Variants in SYNPR observed in about 807,000 individuals in gnomAD.
The protein encoded by SYNPR is synaptoporin.
A neutral mutation model predicts 32.9 loss-of-function variants in SYNPR; 23 were observed. The ratio of observed to expected loss-of-function variants is 0.70; its 90% confidence interval spans 0.50 to 0.99. SYNPR has a LOEUF of 0.99. Among genes scored for constraint, SYNPR ranks in the 50% least tolerant of loss-of-function variants. The probability of loss-of-function intolerance (pLI) is 0.00; values close to 1 mark genes in which losing one functional copy is unlikely to be tolerated. For missense variants in SYNPR, 318 were observed against 349.3 expected (o/e 0.91, Z 0.71); for synonymous variants, 146 against 135.9 (o/e 1.07, Z -0.52).
At chr3:63,540,257 G>A (rs1382106508) in intron 3 of SYNPR, among the ~76,000 whole-genome samples, 2 of 152,058 alleles carry the variant, frequency 1.3e-5, no homozygotes, top group Non-Finnish European at 2.9e-5. Flanking sequence ...GTAGCAAACA[G>A]TATATTAAAG....
At chr3:63,265,407 A>AAGCC (rs1220248081) in intron 2 of SYNPR, among the ~76,000 whole-genome samples, 1 of 151,976 alleles carries the variant, frequency 6.6e-6, no homozygotes, top group African/African-American at 2.4e-5. Flanking sequence ...AACTGCCACC[A>AAGCC]TGCCTAGCTA....
the SYNPR span, among the ~76,000 whole-genome samples, chr3:63,210,881 C>G: frequency 6.6e-6 from 1 of 151,008 alleles, no homozygotes; most frequent in Non-Finnish European, 1.5e-5. Flanking sequence ...TAATTGTATA[C>G]TAATTGTAGT....
chr3:63,591,978 A>G (rs1379761543), intron 4 of SYNPR, among the ~76,000 whole-genome samples: 2 of 151,918 alleles, frequency 1.3e-5, no homozygotes, highest in Admixed American at 6.6e-5. Context: ...ATGTGACTTT[A>G]TTTGAAACAG....
chr3:63,584,294 C>A (rs1187535110), intron 4 of SYNPR, among the ~76,000 whole-genome samples: 1 of 152,058 alleles, frequency 6.6e-6, no homozygotes, highest in Non-Finnish European at 1.5e-5. Context: ...ATGTGGAAAG[C>A]ATATGTGGAG....
At chr3:63,497,043 G>A (rs1009378188) in intron 3 of SYNPR, among the ~76,000 whole-genome samples, 9 of 152,034 alleles carry the variant, frequency 5.9e-5, no homozygotes, top group African/African-American at 2.2e-4. Flanking sequence ...GCAAGTCCTC[G>A]GTTGTACAGG....
intron 3 of SYNPR, among the ~76,000 whole-genome samples, chr3:63,494,429 A>ACACG (rs1249650753): frequency 2.2e-5 from 3 of 136,638 alleles, no homozygotes; most frequent in South Asian, 2.2e-4. Context: ...GTATATATAT[A>ACACG]TATACGTATA....
the SYNPR span, among the ~76,000 whole-genome samples, chr3:63,202,975 G>T: frequency 6.6e-6 from 1 of 150,456 alleles, no homozygotes; most frequent in Non-Finnish European, 1.5e-5. Context: ...ATGGTAGCTG[G>T]AAAGAAAAAT....
chr3:63,325,303 A>G (rs930052624), intron 2 of SYNPR, among the ~76,000 whole-genome samples: 3 of 152,164 alleles, frequency 2.0e-5, no homozygotes, highest in Non-Finnish European at 4.4e-5. Flanking sequence ...AATTCTTAGC[A>G]TCACTCACTT....
chr3:63,298,239 A>T (rs1163704586), intron 2 of SYNPR, among the ~76,000 whole-genome samples: 1 of 152,168 alleles, frequency 6.6e-6, no homozygotes, highest in African/African-American at 2.4e-5. Flanking sequence ...TAGAAGCAAG[A>T]TGGGGTCAGT....
intron 2 of SYNPR, among the ~76,000 whole-genome samples, chr3:63,478,594 T>C (rs17068691): frequency 0.044 from 6,734 of 152,244 alleles, 184 homozygotes; most frequent in South Asian, 0.1. Flanking sequence ...ATGTGCACAA[T>C]TGCCTATCAC....
chr3:63,326,050 C>T (rs1467103822), intron 2 of SYNPR, among the ~76,000 whole-genome samples: 1 of 151,858 alleles, frequency 6.6e-6, no homozygotes, highest in Non-Finnish European at 1.5e-5. Context: ...ATGGTGACCC[C>T]ATGTTTCTCT....
chr3:63,267,267 C>T (rs1293165776), intron 2 of SYNPR: 2 of 152,104 alleles, frequency 1.3e-5, no homozygotes, highest in South Asian at 2.1e-4. Flanking sequence ...GAGTTTTTCC[C>T]ACCAACCACC....
intron 2 of SYNPR, among the ~76,000 whole-genome samples, chr3:63,337,652 C>T (rs533538696): frequency 2.0e-5 from 3 of 152,248 alleles, no homozygotes; most frequent in East Asian, 1.9e-4. Flanking sequence ...AACTGTGGTA[C>T]GTCCGTACAA....
chr3:63,324,911 G>A (rs1191310457), intron 2 of SYNPR, among the ~76,000 whole-genome samples: 2 of 152,002 alleles, frequency 1.3e-5, no homozygotes, highest in African/African-American at 2.4e-5. Flanking sequence ...CAAGCAAGAG[G>A]CACATGTTTT....
At chr3:63,386,392 C>T (rs1022794044) in intron 2 of SYNPR, among the ~76,000 whole-genome samples, 1 of 152,206 alleles carries the variant, frequency 6.6e-6, no homozygotes, top group South Asian at 2.1e-4. Flanking sequence ...TCTTAGAAGG[C>T]ATGGGCAGTG....
chr3:63,600,575 T>G (rs1289191759), intron 4 of SYNPR, among the ~76,000 whole-genome samples: 2 of 152,254 alleles, frequency 1.3e-5, no homozygotes, highest in African/African-American at 2.4e-5. Flanking sequence ...AATCCCCATG[T>G]GTCAAGGACA....
intron 5 of SYNPR, among the ~76,000 whole-genome samples, chr3:63,610,715 A>C (rs1700185439): frequency 6.6e-6 from 1 of 152,214 alleles, no homozygotes; most frequent in Non-Finnish European, 1.5e-5. Context: ...AAGCTATTAA[A>C]ACCCTGATCT....
intron 2 of SYNPR, among the ~76,000 whole-genome samples, chr3:63,329,312 G>A (rs566547107): frequency 5.3e-5 from 8 of 152,106 alleles, no homozygotes; most frequent in African/African-American, 1.7e-4. Context: ...ACTCTTCTTA[G>A]CCCTATTTTA....
intron 2 of SYNPR, among the ~76,000 whole-genome samples, chr3:63,423,267 G>T (rs1699830997): frequency 6.6e-6 from 1 of 152,130 alleles, no homozygotes; most frequent in South Asian, 2.1e-4. Flanking sequence ...GAAAACATTA[G>T]TGTTTGTTCA....
Sources: allele counts gnomAD v4.1 joint callset (sites outside exome capture counted in the v4.1 genomes callset), GRCh38; gene constraint gnomAD v4.1.1; transcripts MANE v1.5; gene names NCBI Gene and HGNC (gene_info 2026-07-23, HGNC 2026-07-21).